Variants in ADAMTS12 observed in about 807,000 individuals in gnomAD.
ADAMTS12 encodes ADAM metallopeptidase with thrombospondin type 1 motif 12.
In ADAMTS12, 118 loss-of-function variants were observed where a neutral mutation model predicts 167.8. The ratio of observed to expected loss-of-function variants is 0.70; its 90% CI spans 0.61 to 0.82. The LOEUF (loss-of-function observed/expected upper bound fraction) is 0.82. ADAMTS12 is among the 40% of genes least tolerant of loss of function. The pLI is 0.00. For missense variants in ADAMTS12, 1,916 were observed against 1,998.8 expected, an observed-to-expected ratio of 0.96 and a Z score of 0.79; for synonymous variants, 704 against 716.9, an observed-to-expected ratio of 0.98 and a Z score of 0.29.
At chr5:33,792,043 G>C (rs1433681744) in intron 2 of ADAMTS12, among the ~76,000 whole-genome samples, 1 of 145,230 alleles carries the variant, frequency 6.9e-6, no homozygotes, top group Non-Finnish European at 1.5e-5. Flanking sequence ...TTTCATCCAG[G>C]CTGGAATGCA....
chr5:33,845,463 G>A (rs2548017), intron 2 of ADAMTS12, among the ~76,000 whole-genome samples: 5,128 of 152,126 alleles, frequency 0.034, 235 homozygotes, highest in East Asian at 0.2. Flanking sequence ...AAATACTGCC[G>A]TTATGTATTA....
At chr5:33,731,296 A>T (rs954703688) in intron 3 of ADAMTS12, among the ~76,000 whole-genome samples, 1 of 150,900 alleles carries the variant, frequency 6.6e-6, no homozygotes, top group Non-Finnish European at 1.5e-5. Context: ...AGAGATTCTC[A>T]TGTCTCAGCC....
At chr5:33,839,050 G>T (rs747729180) in intron 2 of ADAMTS12, among the ~76,000 whole-genome samples, 1 of 152,140 alleles carries the variant, frequency 6.6e-6, no homozygotes, top group African/African-American at 2.4e-5. Flanking sequence ...CCTCTAAAAC[G>T]TGAAGATCCT....
At chr5:33,787,911 G>T (rs983347434) in intron 2 of ADAMTS12, among the ~76,000 whole-genome samples, 2 of 152,206 alleles carry the variant, frequency 1.3e-5, no homozygotes, top group Admixed American at 1.3e-4. Flanking sequence ...CATGTGTGAG[G>T]GAATGTTCTG....
intron 2 of ADAMTS12, among the ~76,000 whole-genome samples, chr5:33,837,942 T>A (rs1402920319): frequency 6.6e-6 from 1 of 152,254 alleles, no homozygotes; most frequent in Non-Finnish European, 1.5e-5. Context: ...ATTGAAACTA[T>A]AATTTACTAA....
At chr5:33,834,832 T>C (rs1748444528) in intron 2 of ADAMTS12, among the ~76,000 whole-genome samples, 1 of 152,180 alleles carries the variant, frequency 6.6e-6, no homozygotes, top group African/African-American at 2.4e-5. Context: ...AAAATACATA[T>C]TTAGGTCACA....
At chr5:33,789,852 T>C (rs137958892) in intron 2 of ADAMTS12, among the ~76,000 whole-genome samples, 1,684 of 152,282 alleles carry the variant, frequency 0.011, 8 homozygotes, top group Non-Finnish European at 0.017. Flanking sequence ...TCTTTCTAAA[T>C]GGACAGTTCA....
chr5:33,848,587 A>G (rs550619239), intron 2 of ADAMTS12, among the ~76,000 whole-genome samples: 4 of 152,324 alleles, frequency 2.6e-5, no homozygotes, highest in African/African-American at 9.6e-5. Context: ...ATTAGTTGCA[A>G]AACTGGACTT....
chr5:33,782,520 C>T (rs1286216718), intron 2 of ADAMTS12, among the ~76,000 whole-genome samples: 3 of 151,828 alleles, frequency 2.0e-5, no homozygotes, highest in Non-Finnish European at 4.4e-5. Context: ...AAAAGTAAGA[C>T]CCAACCAAAA....
intron 2 of ADAMTS12, among the ~76,000 whole-genome samples, chr5:33,774,038 T>C (rs1322113628): frequency 6.6e-6 from 1 of 152,106 alleles, no homozygotes; most frequent in Non-Finnish European, 1.5e-5. Context: ...TTTAAAGTAA[T>C]GGGGAGGTTA....
chr5:33,685,782 C>T (rs533117579), intron 3 of ADAMTS12, among the ~76,000 whole-genome samples: 1 of 152,310 alleles, frequency 6.6e-6, no homozygotes, highest in Admixed American at 6.5e-5. Flanking sequence ...TCTCCACTCA[C>T]TTTGCATGGG....
chr5:33,744,827 A>T (rs1423470808), intron 3 of ADAMTS12, among the ~76,000 whole-genome samples: 45 of 152,040 alleles, frequency 3.0e-4, no homozygotes, highest in Non-Finnish European at 1.6e-4. Flanking sequence ...TCATTTTTTT[A>T]AAAATGAAAG....
At chr5:33,707,333 C>T (rs1233478737) in intron 3 of ADAMTS12, among the ~76,000 whole-genome samples, 6 of 152,138 alleles carry the variant, frequency 3.9e-5, no homozygotes, top group South Asian at 4.1e-4. Context: ...ACATTCCATG[C>T]TCATGGATAG....
Position 33,641,929 on chromosome 5 carries a change from T to C in ADAMTS12, c.1599A>G (p.Thr533=), listed in dbSNP as rs1351718719. 6 of 1,613,132 alleles carry C rather than the reference T, an allele frequency of 3.7e-6. No individual in the cohort carries two copies. Among genetic ancestry groups the C allele is most frequent in the African/African-American group, 1.3e-5 (1 of 74,878 alleles). ...GAATGCTCTCTGGTTTCTTCCCCACTGTGATGCACTTGCCTGCCATACACC... is the reference window on the plus strand; with the variant it reads ...GAATGCTCTCTGGTTTCTTCCCCACCGTGATGCACTTGCCTGCCATACACC... ...KKWCMAGKCI[T]VGKKPESIPG... Residue 533 remains threonine (T), a synonymous_variant, in exon 11 of 24, where the codon ACA becomes ACG. Transcript: ENST00000504830.
chr5:33,617,111 C>T (rs1440010553), intron 14 of ADAMTS12, among the ~76,000 whole-genome samples: 1 of 152,152 alleles, frequency 6.6e-6, no homozygotes, highest in African/African-American at 2.4e-5. Context: ...TTCTTTGAAT[C>T]TCATTGCACA....
intron 2 of ADAMTS12, among the ~76,000 whole-genome samples, chr5:33,843,912 G>A (rs1748843580): frequency 6.6e-6 from 1 of 152,198 alleles, no homozygotes; most frequent in East Asian, 1.9e-4. Context: ...AGGAAGTCAG[G>A]GACCCCAAAC....
chr5:33,722,475 A>C (rs1315143089), intron 3 of ADAMTS12, among the ~76,000 whole-genome samples: 1 of 152,220 alleles, frequency 6.6e-6, no homozygotes, highest in Admixed American at 6.5e-5. Context: ...TTAGGCATAG[A>C]GACATTAGGT....
At chr5:33,641,770 C>G (rs762134254) in intron 11 of ADAMTS12, 40 bp downstream of exon 11, 1 of 1,518,396 alleles carries the variant, frequency 6.6e-7, no homozygotes, top group African/African-American at 1.4e-5. Context: ...CCGCCCCCAG[C>G]ACATGTGGAG....
chr5:33,876,082 A>G (rs1357516116), intron 2 of ADAMTS12, among the ~76,000 whole-genome samples: 1 of 152,216 alleles, frequency 6.6e-6, no homozygotes, highest in African/African-American at 2.4e-5. Flanking sequence ...TTAGAAGTCA[A>G]TCTAACAAAA....
Sources: gnomAD v4.1 joint callset for allele counts (sites outside exome capture counted in the v4.1 genomes callset) on GRCh38, gnomAD v4.1.1 for gene constraint, MANE v1.5 for transcripts, NCBI Gene and HGNC (gene_info 2026-07-23, HGNC 2026-07-21) for gene names.